Variants in ARSF observed in about 807,000 individuals in gnomAD.
The protein encoded by ARSF is arylsulfatase F.
ARSF carries 33 observed loss-of-function variants against 35.4 expected under a neutral mutation model. The ratio of observed to expected loss-of-function variants is 0.93; its 90% CI spans 0.71 to 1.25. The LOEUF is 1.25. Among genes scored for constraint, ARSF ranks in the 50% most tolerant of loss-of-function variants. ARSF has a pLI of 0.00. For synonymous variants in ARSF, 222 were observed against 193.1 expected (o/e 1.15, Z -1.24); for missense variants, 501 against 480.2 (o/e 1.04, Z -0.40).
At chrX:3,075,650 G>T (rs2090141252) in intron 3 of ARSF, among the ~76,000 whole-genome samples, 1 of 102,979 alleles carries the variant, frequency 9.7e-6, no homozygotes, top group Admixed American at 1.1e-4. Context: ...CCCTCTCTCT[G>T]TCCTTCTGTT....
At position 3,101,185 on chromosome X, in the gene ARSF, C is replaced by G; in HGVS notation, c.1066C>G (p.His356Asp). 8.3e-7 allele frequency: 1 copy of G among 1,211,232 alleles called. No individual in the cohort carries two copies. The highest frequency in any genetic ancestry group is 1.1e-6 in the Non-Finnish European group (1 of 895,180). Residue 356 changes from histidine (H) to aspartate (D), a missense_variant, in exon 8 of 11, where the codon CAT becomes GAT. His to Asp is a moderately conservative substitution (Grantham distance 81, BLOSUM62 -1). Transcript: ENST00000381127. ...HGGHLEARRGHAQLGGWNGIY... is the reference protein window; with the variant it reads ...HGGHLEARRGDAQLGGWNGIY... ...AGGGCATTTGGAAGCTAGGCGAGGG[C>G]ATGCCCAACTTGGTGGATGGAATGG...
chrX:3,110,139 G>A lies in ARSF; in HGVS notation c.1277G>A (p.Gly426Asp), dbSNP rs1296933902. 6 of 1,189,911 alleles carry A rather than the reference G, an allele frequency of 5.0e-6. No homozygotes were observed. The South Asian group carries it at 5.7e-5, about 11-fold the overall frequency. The stretch of plus-strand genomic sequence containing the variant: ...CTGTGTCTCTGCAGGGTCATTGACG[G>A]CCGAGACCTCATGCCCTTGCTGCAG... Reference protein sequence around the residue: ...GSLPQDRVIDGRDLMPLLQGN... With the variant: ...GSLPQDRVIDDRDLMPLLQGN... Residue 426 changes from glycine to aspartate, a missense_variant, in exon 10 of 11, where the codon GGC becomes GAC. By Grantham distance (94) the Gly-to-Asp change is moderately conservative. Transcript: ENST00000381127.
intron 6 of ARSF, among the ~76,000 whole-genome samples, chrX:3,087,934 T>G (rs1256688547): frequency 1.8e-5 from 2 of 112,406 alleles, no homozygotes; most frequent in Admixed American, 9.4e-5. Flanking sequence ...ACGTGAATTT[T>G]GAGGGGTCAC....
At chrX:3,054,971 C>T (rs1033643583) in intron 1 of ARSF, among the ~76,000 whole-genome samples, 18 of 107,198 alleles carry the variant, frequency 1.7e-4, no homozygotes, top group African/African-American at 5.1e-4. Context: ...TGACCTCAGG[C>T]GATCTACCCA....
intron 9 of ARSF, among the ~76,000 whole-genome samples, chrX:3,104,333 G>T (rs1367213120): frequency 9.0e-6 from 1 of 111,211 alleles, no homozygotes; most frequent in African/African-American, 3.3e-5. Context: ...CTTTCTCTGG[G>T]CTTGGCTTAT....
At chrX:3,101,950 A>T (rs2090379237) in intron 8 of ARSF, among the ~76,000 whole-genome samples, 1 of 111,926 alleles carries the variant, frequency 8.9e-6, no homozygotes. Flanking sequence ...TTATTCATGC[A>T]ACTACAGATT....
intron 7 of ARSF, among the ~76,000 whole-genome samples, chrX:3,092,711 C>G (rs1215815322): frequency 8.9e-6 from 1 of 112,324 alleles, no homozygotes; most frequent in Non-Finnish European, 1.9e-5. Context: ...TAAACATCTG[C>G]TTTAATATAT....
At chrX:3,069,426 C>T (rs1424141678) in intron 2 of ARSF, among the ~76,000 whole-genome samples, 1 of 110,464 alleles carries the variant, frequency 9.1e-6, no homozygotes, top group Non-Finnish European at 1.9e-5. Context: ...TGAGCTCAAG[C>T]GATCCTCCCA....
chrX:3,105,457 T>A (rs911997343), intron 9 of ARSF, among the ~76,000 whole-genome samples: 2 of 111,991 alleles, frequency 1.8e-5, no homozygotes, highest in Non-Finnish European at 3.8e-5. Context: ...AATATTTTAT[T>A]CTTTATTTTT....
chrX:3,072,030 C>T lies in ARSF; in HGVS notation c.16C>T (p.Pro6Ser), dbSNP rs372473588. The change falls in exon 3 of 11, where the codon CCC becomes TCC. Residue 6 changes from proline to serine, a missense_variant. Coordinates refer to ENST00000381127, the MANE Select transcript of ARSF (RefSeq NM_001201539.2). Reference sequence around the variant, plus strand: ...AAATCCCTGCTTGCTTTCCAGGAGACCCTTGGTCTTCATGTCTTTGGTGTG... The same window carrying T: ...AAATCCCTGCTTGCTTTCCAGGAGATCCTTGGTCTTCATGTCTTTGGTGTG... Reference protein sequence around the residue: MRPRRPLVFMSLVCAL... With the variant: MRPRRSLVFMSLVCAL... 1 of 1,202,622 alleles carries T rather than the reference C, an allele frequency of 8.3e-7. No homozygotes were observed. Among genetic ancestry groups the T allele is most frequent in the African/African-American group, 1.8e-5 (1 of 54,330 alleles).
intron 1 of ARSF, among the ~76,000 whole-genome samples, chrX:3,064,257 A>G (rs1241271963): frequency 8.9e-6 from 1 of 112,384 alleles, no homozygotes; most frequent in Non-Finnish European, 1.9e-5. Flanking sequence ...TCATATGTAG[A>G]AAGTTGAAAC....
At chrX:3,059,414 G>A (rs183463373) in intron 1 of ARSF, among the ~76,000 whole-genome samples, 1 of 112,245 alleles carries the variant, frequency 8.9e-6, no homozygotes, top group Non-Finnish European at 1.9e-5. Context: ...TTCCAACTGA[G>A]GTATCTTGTT....
intron 1 of ARSF, among the ~76,000 whole-genome samples, chrX:3,056,625 A>T (rs1332390592): frequency 9.0e-6 from 1 of 111,037 alleles, no homozygotes; most frequent in East Asian, 2.8e-4. Flanking sequence ...AAAAGAATTG[A>T]ACATATTGGA....
chrX:3,065,911 C>T (rs1410894707), intron 1 of ARSF, among the ~76,000 whole-genome samples: 1 of 110,118 alleles, frequency 9.1e-6, no homozygotes, highest in African/African-American at 3.3e-5. Context: ...CCAGCCTGGG[C>T]AACATAGTGA....
chrX:3,106,707 G>A, intron 9 of ARSF, among the ~76,000 whole-genome samples: 1 of 112,546 alleles, frequency 8.9e-6, no homozygotes, highest in East Asian at 2.8e-4. Flanking sequence ...AATAGAGATG[G>A]ACAGATTTAT....
intron 8 of ARSF, among the ~76,000 whole-genome samples, chrX:3,103,474 G>A (rs111637286): frequency 0.01 from 1,113 of 111,063 alleles, 16 homozygotes; most frequent in African/African-American, 0.034. Context: ...TGGAAATGAA[G>A]TAGGTGTATA....
chrX:3,051,825 T>G (rs1425675648), intron 1 of ARSF, among the ~76,000 whole-genome samples: 5 of 110,719 alleles, frequency 4.5e-5, no homozygotes, highest in African/African-American at 1.6e-4. Flanking sequence ...AGACCTTGTC[T>G]CTACAAAAAA....
At chrX:3,065,220 G>A (rs2090058585) in intron 1 of ARSF, among the ~76,000 whole-genome samples, 1 of 102,705 alleles carries the variant, frequency 9.7e-6, no homozygotes, top group African/African-American at 3.6e-5. Flanking sequence ...TCACTCATAG[G>A]TGGTAATTGA....
intron 8 of ARSF, among the ~76,000 whole-genome samples, chrX:3,103,559 T>C (rs2090393269): frequency 8.9e-6 from 1 of 111,967 alleles, no homozygotes; most frequent in Non-Finnish European, 1.9e-5. Flanking sequence ...TACATATGCT[T>C]AGTTATTTAA....
Sources: gnomAD v4.1 joint callset for allele counts (sites outside exome capture counted in the v4.1 genomes callset) on GRCh38, gnomAD v4.1.1 for gene constraint, MANE v1.5 for transcripts, NCBI Gene and HGNC (gene_info 2026-07-23, HGNC 2026-07-21) for gene names.